The following MACROD2 variants were observed in gnomAD, a reference collection of about 807,000 sequenced individuals.
MACROD2 encodes the protein ADP-ribose glycohydrolase MACROD2.
A neutral mutation model predicts 70.4 loss-of-function variants in MACROD2; 36 were observed. The observed-to-expected ratio is 0.51, with a 90% CI of 0.39 to 0.68. The LOEUF is 0.68. MACROD2 is among the 30% of genes least tolerant of loss of function. MACROD2 has a pLI of 0.00. For missense variants in MACROD2, 496 were observed against 538.4 expected (o/e 0.92, Z 0.78); for synonymous variants, 172 against 178.8 (o/e 0.96, Z 0.30).
intron 6 of MACROD2, among the ~76,000 whole-genome samples, chr20:15,363,007 G>A (rs376188612): frequency 6.2e-5 from 7 of 113,236 alleles, no homozygotes; most frequent in African/African-American, 2.7e-4. Flanking sequence ...AAGGAAAGAA[G>A]GAAGGGAGAA....
chr20:14,517,483 G>T lies in MACROD2; in HGVS notation c.301+23975G>T, dbSNP rs995556657. 1.2e-4 allele frequency among the ~76,000 whole-genome samples: 18 copies of T among 152,152 alleles called. No individual in the cohort carries two copies. In the East Asian group the frequency reaches 3.5e-3, roughly 30 times the overall value. ...GTTTTCACTCATAAGTGGGAGTTGA[G>T]CAATGAGAACACGTGGACACAAGGA... On this transcript the variant is annotated intron_variant, in intron 4 of 17. Coordinates refer to ENST00000684519, the MANE Select transcript of MACROD2 (RefSeq NM_001351661.2).
rs151268999 is a variant in MACROD2 at position 15,925,724 on chromosome 20, G to A, written c.776-7552G>A. On this transcript the variant is annotated intron_variant, in intron 10 of 17. Transcript: ENST00000684519. ...TGGCACCTACAGTTTCATGCATTTC[G>A]TCTCTTTGAACACGTGTTATTAAAC... is the stretch of plus-strand genomic sequence containing the variant. Among the ~76,000 whole-genome samples the A allele has an allele frequency of 3.6e-3, 554 of 152,186 alleles. 2 individuals are homozygous for A. Among genetic ancestry groups the A allele is most frequent in the African/African-American group, 0.013 (522 of 41,504 alleles).
chr20:15,822,740 G>T (rs146016111), intron 8 of MACROD2, among the ~76,000 whole-genome samples: 330 of 152,202 alleles, frequency 2.2e-3, no homozygotes, highest in Non-Finnish European at 3.5e-3. Context: ...ATATCACATG[G>T]AATATTCAAT....
At chr20:15,852,033 G>A (rs754824404) in intron 8 of MACROD2, among the ~76,000 whole-genome samples, 3 of 152,192 alleles carry the variant, frequency 2.0e-5, no homozygotes, top group African/African-American at 4.8e-5. Context: ...GGCAGAACAG[G>A]TCATGCTTGC....
intron 5 of MACROD2, among the ~76,000 whole-genome samples, chr20:14,758,296 C>T (rs1367369985): frequency 6.6e-6 from 1 of 152,004 alleles, no homozygotes; most frequent in East Asian, 1.9e-4. Flanking sequence ...TGTCATTATC[C>T]ATTTTAGGAT....
intron 3 of MACROD2, among the ~76,000 whole-genome samples, chr20:14,334,480 A>G (rs1285918103): frequency 6.6e-6 from 1 of 152,132 alleles, no homozygotes; most frequent in East Asian, 1.9e-4. Context: ...GAGGATTAAT[A>G]TTGCTGAGAG....
intron 5 of MACROD2, among the ~76,000 whole-genome samples, chr20:15,167,780 C>T (rs2076395746): frequency 6.6e-6 from 1 of 152,126 alleles, no homozygotes; most frequent in Non-Finnish European, 1.5e-5. Flanking sequence ...TTCTGACAAC[C>T]TGATGTTCTT....
At chr20:14,231,043 T>C (rs1319057276) in intron 3 of MACROD2, among the ~76,000 whole-genome samples, 5 of 151,986 alleles carry the variant, frequency 3.3e-5, no homozygotes, top group African/African-American at 1.2e-4. Context: ...AAATATTCAG[T>C]AGACCATGTT....
intron 5 of MACROD2, among the ~76,000 whole-genome samples, chr20:14,792,031 A>C (rs2072456785): frequency 6.6e-6 from 1 of 152,066 alleles, no homozygotes; most frequent in Admixed American, 6.6e-5. Flanking sequence ...TTACAGTTAC[A>C]TAATGTTTAG....
At chr20:15,511,642 C>T (rs938879787) in intron 8 of MACROD2, among the ~76,000 whole-genome samples, 1 of 152,174 alleles carries the variant, frequency 6.6e-6, no homozygotes, top group African/African-American at 2.4e-5. Context: ...AATAACTCAG[C>T]TGTATATATT....
At chr20:14,201,289 C>G (rs958610272) in intron 3 of MACROD2, among the ~76,000 whole-genome samples, 2 of 152,178 alleles carry the variant, frequency 1.3e-5, no homozygotes, top group African/African-American at 2.4e-5. Flanking sequence ...AATCTATAAA[C>G]TATGCAATCA....
At chr20:15,894,675 A>G (rs1407180972) in intron 10 of MACROD2, among the ~76,000 whole-genome samples, 1 of 152,228 alleles carries the variant, frequency 6.6e-6, no homozygotes, top group Admixed American at 6.5e-5. Context: ...TAGAAATAGC[A>G]TGTGTACTGG....
chr20:14,020,238 C>T (rs533003208), intron 2 of MACROD2, among the ~76,000 whole-genome samples: 6 of 152,134 alleles, frequency 3.9e-5, no homozygotes, highest in South Asian at 4.2e-4. Flanking sequence ...TTTGGGAGGC[C>T]GAGGCAGGCG....
Position 15,186,816 on chromosome 20 carries a change from C to T in MACROD2, c.419-43124C>T, listed in dbSNP as rs574544310. Among the ~76,000 whole-genome samples, 19 of 152,272 alleles carry T rather than the reference C, an allele frequency of 1.2e-4. No individual in the cohort carries two copies. The South Asian group carries it at 3.9e-3, about 32-fold the overall frequency. On this transcript the variant is annotated intron_variant, in intron 5 of 17. Coordinates refer to ENST00000684519, the MANE Select transcript of MACROD2 (RefSeq NM_001351661.2). ...TCAGGTATTTTTGTGTCACACTCCACTTGCGGATATCTTAGAAGTCTCATT... is the reference window on the plus strand; with the variant it reads ...TCAGGTATTTTTGTGTCACACTCCATTTGCGGATATCTTAGAAGTCTCATT...
At chr20:15,976,412 T>C (rs1278859709) in intron 13 of MACROD2, among the ~76,000 whole-genome samples, 1 of 152,230 alleles carries the variant, frequency 6.6e-6, no homozygotes, top group African/African-American at 2.4e-5. Flanking sequence ...GAATTCTTTG[T>C]GTTCTTTTGT....
At chr20:14,726,542 T>G (rs942500090) in intron 5 of MACROD2, among the ~76,000 whole-genome samples, 1 of 152,318 alleles carries the variant, frequency 6.6e-6, no homozygotes, top group African/African-American at 2.4e-5. Flanking sequence ...TTTCCTCATC[T>G]CTCTGCCATA....
At chr20:15,455,278 T>C (rs1364370415) in intron 7 of MACROD2, among the ~76,000 whole-genome samples, 1 of 152,176 alleles carries the variant, frequency 6.6e-6, no homozygotes, top group Admixed American at 6.6e-5. Flanking sequence ...CAGCCATGAT[T>C]TAGATAATGA....
intron 8 of MACROD2, among the ~76,000 whole-genome samples, chr20:15,859,226 AG>A (rs1167553492): frequency 6.6e-6 from 1 of 152,050 alleles, no homozygotes; most frequent in Non-Finnish European, 1.5e-5. Flanking sequence ...AGGAAGAGGA[AG>A]GGGGGTAGGT....
chr20:15,717,221 T>G (rs567244574), intron 8 of MACROD2, among the ~76,000 whole-genome samples: 11 of 152,338 alleles, frequency 7.2e-5, no homozygotes, highest in South Asian at 4.1e-4. Flanking sequence ...CCCAATCAAT[T>G]TGATTTCTTT....
Sources: gnomAD v4.1 joint callset for allele counts (sites outside exome capture counted in the v4.1 genomes callset) on GRCh38, gnomAD v4.1.1 for gene constraint, MANE v1.5 for transcripts, NCBI Gene and HGNC (gene_info 2026-07-23, HGNC 2026-07-21) for gene names.